Variants in TTC39C observed in about 807,000 individuals in gnomAD.
TTC39C encodes tetratricopeptide repeat protein 39C.
Under a neutral mutation model 76.3 loss-of-function variants are expected in TTC39C, and 33 were observed. The ratio of observed to expected loss-of-function variants is 0.43; its 90% confidence interval spans 0.33 to 0.58. The LOEUF (loss-of-function observed/expected upper bound fraction) is 0.58, where lower values mean the gene tolerates loss of function less well. Among genes scored for constraint, TTC39C ranks in the 20% least tolerant of loss-of-function variants. TTC39C has a pLI of 0.04. For missense variants in TTC39C, 595 were observed against 701.4 expected, an observed-to-expected ratio of 0.85 and a Z score of 1.71; for synonymous variants, 254 against 260.6, an observed-to-expected ratio of 0.97 and a Z score of 0.24.
intron 4 of TTC39C, among the ~76,000 whole-genome samples, chr18:24,074,126 A>G (rs1194310903): frequency 6.6e-6 from 1 of 152,236 alleles, no homozygotes; most frequent in African/African-American, 2.4e-5. Flanking sequence ...AATAAATTCT[A>G]ATTCAGCAGG....
intron 1 of TTC39C, chr18:24,000,678 T>C (rs2083304548): frequency 6.6e-6 from 1 of 152,260 alleles, no homozygotes; most frequent in Non-Finnish European, 1.5e-5. Flanking sequence ...TTCACCGCCA[T>C]GAGACCTGTG....
chr18:24,003,661 T>TG (rs2083330440), intron 1 of TTC39C, among the ~76,000 whole-genome samples: 1 of 148,774 alleles, frequency 6.7e-6, no homozygotes, highest in Admixed American at 6.7e-5. Flanking sequence ...GGCCCTTGTA[T>TG]GAAAAAAAAA....
intron 1 of TTC39C, among the ~76,000 whole-genome samples, chr18:24,040,709 C>T (rs554611240): frequency 9.2e-5 from 14 of 152,182 alleles, no homozygotes; most frequent in Middle Eastern, 6.8e-3. Flanking sequence ...CTTGAGTATC[C>T]AATAGGTGAA....
intron 1 of TTC39C, among the ~76,000 whole-genome samples, chr18:24,047,452 TA>T (rs2083898860): frequency 6.6e-6 from 1 of 152,206 alleles, no homozygotes; most frequent in Non-Finnish European, 1.5e-5. Context: ...GTTTTATGGT[TA>T]TACAACCCAG....
At chr18:24,079,541 A>G (rs758559328) in intron 4 of TTC39C, among the ~76,000 whole-genome samples, 4 of 152,208 alleles carry the variant, frequency 2.6e-5, no homozygotes, top group Non-Finnish European at 4.4e-5. Flanking sequence ...TTTTACTGCT[A>G]CTTCACTGTG....
chr18:24,088,459 A>G (rs1160498946), intron 6 of TTC39C, among the ~76,000 whole-genome samples: 3 of 152,158 alleles, frequency 2.0e-5, no homozygotes, highest in African/African-American at 7.2e-5. Context: ...GTCTGTAGGG[A>G]GTCAAGAATG....
chr18:24,011,160 C>A (rs1404268445), upstream of TTC39C, among the ~76,000 whole-genome samples: 1 of 152,220 alleles, frequency 6.6e-6, no homozygotes, highest in African/African-American at 2.4e-5. Context: ...CTTTTCCTAA[C>A]AGATCTGGGA....
intron 6 of TTC39C, chr18:24,113,369 C>G: frequency 1.7e-6 from 1 of 576,316 alleles, no homozygotes; most frequent in Non-Finnish European, 3.1e-6. Context: ...AGGAGAGGAG[C>G]CCAGGTCTGC....
intron 12 of TTC39C, among the ~76,000 whole-genome samples, chr18:24,131,263 C>T (rs2085125945): frequency 6.7e-6 from 1 of 149,070 alleles, no homozygotes; most frequent in Admixed American, 6.7e-5. Flanking sequence ...TCAGATAAAA[C>T]CTTTTGATAA....
intron 1 of TTC39C, among the ~76,000 whole-genome samples, chr18:24,027,287 A>G (rs1427089008): frequency 6.6e-6 from 1 of 151,958 alleles, no homozygotes; most frequent in African/African-American, 2.4e-5. Context: ...AAAAAAAAAA[A>G]GTAATCGGAT....
chr18:24,069,370 A>G (rs2084208690), intron 4 of TTC39C, 99 bp downstream of exon 4: 2 of 948,246 alleles, frequency 2.1e-6, no homozygotes, highest in East Asian at 2.6e-5. Context: ...CTTTGAACAC[A>G]TGTGGCACCT....
chr18:24,084,356 G>A (rs1305493347), intron 6 of TTC39C, among the ~76,000 whole-genome samples: 4 of 151,930 alleles, frequency 2.6e-5, no homozygotes, highest in African/African-American at 4.8e-5. Context: ...ATGGTGGTAC[G>A]TGCCTGTAAT....
At chr18:24,049,965 G>T (rs1356145043) in intron 1 of TTC39C, among the ~76,000 whole-genome samples, 3 of 152,112 alleles carry the variant, frequency 2.0e-5, no homozygotes, top group Non-Finnish European at 4.4e-5. Flanking sequence ...GAAAGCATTT[G>T]GCAATTAAAA....
chr18:24,045,918 T>TGTATATGTAC (rs1568417444), intron 1 of TTC39C, among the ~76,000 whole-genome samples: 1 of 33,456 alleles, frequency 3.0e-5, no homozygotes, highest in Non-Finnish European at 4.7e-5. Context: ...TATATATATA[T>TGTATATGTAC]ATATATATAT....
chr18:24,006,973 C>T (rs191546784), intron 1 of TTC39C, among the ~76,000 whole-genome samples: 34 of 152,238 alleles, frequency 2.2e-4, no homozygotes, highest in Middle Eastern at 3.4e-3. Flanking sequence ...GAGTATACTA[C>T]GAAAAACCAG....
upstream of TTC39C, among the ~76,000 whole-genome samples, chr18:24,010,822 C>T (rs540574220): frequency 2.6e-5 from 4 of 152,212 alleles, no homozygotes; most frequent in South Asian, 4.1e-4. Flanking sequence ...CCGAGGTGGG[C>T]GGATCACCTG....
At chr18:24,056,580 A>AATAAC (rs2084019400) in intron 1 of TTC39C, among the ~76,000 whole-genome samples, 2 of 151,424 alleles carry the variant, frequency 1.3e-5, no homozygotes, top group Admixed American at 1.3e-4. Flanking sequence ...TGTTTCAGGA[A>AATAAC]ATCATCATCA....
rs2085159227 is a variant in TTC39C, at chr18:24,133,363, G to T, written c.*789G>T. Reference sequence around the variant, plus strand: ...TCTTTTTCCTTTGAAAGCCAACCAAGTAAGAGCAAATATTAATAGAAGATA... The same window carrying T: ...TCTTTTTCCTTTGAAAGCCAACCAATTAAGAGCAAATATTAATAGAAGATA... On this transcript the variant is annotated 3_prime_UTR_variant, in exon 14 of 14. Transcript: ENST00000317571. 1 of 152,208 alleles carries T rather than the reference G, an allele frequency of 6.6e-6. No individual in the cohort carries two copies. The highest frequency in any genetic ancestry group is 6.6e-5 in the Admixed American group (1 of 15,264). 9.4% of individuals were successfully genotyped at this position (152,208 alleles called of 1,614,324 possible). A position where few individuals can be genotyped will look rare whatever the true frequency, so the allele number is the denominator to read the frequency against.
At chr18:24,098,238 C>A (rs1435875110) in intron 6 of TTC39C, among the ~76,000 whole-genome samples, 1 of 151,958 alleles carries the variant, frequency 6.6e-6, no homozygotes, top group Non-Finnish European at 1.5e-5. Context: ...CCCATTTTGA[C>A]TATAAAATTT....
Sources: gnomAD v4.1 joint callset for allele counts (sites outside exome capture counted in the v4.1 genomes callset) on GRCh38, gnomAD v4.1.1 for gene constraint, MANE v1.5 for transcripts, NCBI Gene and HGNC (gene_info 2026-07-23, HGNC 2026-07-21) for gene names.